Variants in KLHL8 observed in about 807,000 individuals in gnomAD.
The protein encoded by KLHL8 is kelch like family member 8.
Under a neutral mutation model 63.5 loss-of-function variants are expected in KLHL8, and 38 were observed. The ratio of observed to expected loss-of-function variants is 0.60; its 90% CI spans 0.46 to 0.78. The LOEUF is 0.78. KLHL8 is among the 30% of genes least tolerant of loss of function. The pLI is 0.00. For synonymous variants in KLHL8, 224 were observed against 254.3 expected (o/e 0.88, Z 1.13); for missense variants, 566 against 752.4 (o/e 0.75, Z 2.90).
intron 6 of KLHL8, among the ~76,000 whole-genome samples, chr4:87,176,063 G>T (rs1730806323): frequency 6.6e-6 from 1 of 152,178 alleles, no homozygotes; most frequent in South Asian, 2.1e-4. Context: ...AAGGATGTTT[G>T]GGAAAATTGA....
At chr4:87,199,334 A>G (rs1426259726) in intron 1 of KLHL8, among the ~76,000 whole-genome samples, 2 of 152,190 alleles carry the variant, frequency 1.3e-5, no homozygotes, top group East Asian at 3.8e-4. Context: ...AAACTAACTC[A>G]AAATGAATTA....
At chr4:87,225,840 G>T (rs112727264) in intron 1 of KLHL8, among the ~76,000 whole-genome samples, 2 of 152,100 alleles carry the variant, frequency 1.3e-5, no homozygotes, top group African/African-American at 4.8e-5. Flanking sequence ...TTTGAAATGC[G>T]GGTGTTGTTG....
chr4:87,217,459 C>A (rs1050048619), intron 1 of KLHL8, among the ~76,000 whole-genome samples: 2 of 151,886 alleles, frequency 1.3e-5, no homozygotes, highest in Admixed American at 6.6e-5. Context: ...CTCAGTCTCC[C>A]GAGTAGCTGG....
intron 1 of KLHL8, among the ~76,000 whole-genome samples, chr4:87,238,719 T>C (rs1434121824): frequency 6.6e-6 from 1 of 152,142 alleles, no homozygotes; most frequent in African/African-American, 2.4e-5. Context: ...AAAAAATGTA[T>C]TGGACTTATT....
At chr4:87,191,879 T>G (rs1177102709) in intron 2 of KLHL8, among the ~76,000 whole-genome samples, 1 of 152,132 alleles carries the variant, frequency 6.6e-6, no homozygotes, top group Non-Finnish European at 1.5e-5. Flanking sequence ...TTTCTGCTTC[T>G]TTATTAGTTC....
chr4:87,191,072 G>T (rs1731466515), intron 2 of KLHL8, among the ~76,000 whole-genome samples: 2 of 152,118 alleles, frequency 1.3e-5, no homozygotes, highest in South Asian at 4.1e-4. Context: ...CATATCTCAA[G>T]ATCTGCTTTG....
rs1314531276 is a variant in KLHL8 at position 87,226,643 on chromosome 4, AAT to A, written n.58-5255_58-5254del. Among the ~76,000 whole-genome samples the A allele has an allele frequency of 1.5e-4, 13 of 85,858 alleles. 1 individual carries two copies. The highest frequency in any genetic ancestry group is 1.4e-3 in the South Asian group (5 of 3,470). The allele number at this position is 85,858 out of a possible 152,430, so 56.3% of individuals were successfully genotyped here. A position where few individuals can be genotyped will look rare whatever the true frequency, so the allele number is the denominator to read the frequency against. On this transcript the variant is annotated intron_variant and non_coding_transcript_variant, in intron 1 of 1. Coordinates refer to the KLHL8 transcript ENST00000506274. ...AATAATATATATTACTTATATAAAT[AAT>A]ATATATATTACTTATATATAATATA...
At chr4:87,214,461 A>ATATATATAT (rs1732524191) in intron 1 of KLHL8, among the ~76,000 whole-genome samples, 4 of 81,688 alleles carry the variant, frequency 4.9e-5, no homozygotes, top group Admixed American at 1.5e-4. Context: ...TATATATATA[A>ATATATATAT]TTGTCATCAT....
chr4:87,182,608 CA>C (rs201412950), intron 4 of KLHL8, among the ~76,000 whole-genome samples: 20 of 149,634 alleles, frequency 1.3e-4, no homozygotes, highest in Middle Eastern at 3.5e-3. Context: ...CATAATGTCT[CA>C]AAAAAAAAGA....
At chr4:87,168,799 CATATATATACACACACAT>C (rs1481411910) in intron 8 of KLHL8, among the ~76,000 whole-genome samples, 6 of 27,498 alleles carry the variant, frequency 2.2e-4, no homozygotes, top group African/African-American at 3.6e-4. Context: ...TATATACACA[CATATATATACACACACAT>C]ATATATATAT....
chr4:87,172,611 C>T (rs139688157), intron 6 of KLHL8, among the ~76,000 whole-genome samples: 169 of 152,236 alleles, frequency 1.1e-3, no homozygotes, highest in African/African-American at 3.8e-3. Flanking sequence ...AGGCAGAAAC[C>T]GAAGAATCAT....
chr4:87,218,946 G>C (rs935003289), intron 1 of KLHL8, among the ~76,000 whole-genome samples: 2 of 151,882 alleles, frequency 1.3e-5, no homozygotes, highest in Non-Finnish European at 2.9e-5. Context: ...ATGTTGGCCA[G>C]ACTGGTCTCG....
At chr4:87,170,401 G>A in intron 7 of KLHL8, 46 bp downstream of exon 7, 1 of 1,544,058 alleles carries the variant, frequency 6.5e-7, no homozygotes, top group Non-Finnish European at 8.7e-7. Flanking sequence ...TTTTGGTTAT[G>A]AATGTAATGC....
chr4:87,218,555 A>T (rs547217830), intron 1 of KLHL8, among the ~76,000 whole-genome samples: 1 of 152,192 alleles, frequency 6.6e-6, no homozygotes, highest in Admixed American at 6.5e-5. Context: ...TACTGTTTTT[A>T]AAAAATAACC....
intron 8 of KLHL8, among the ~76,000 whole-genome samples, chr4:87,165,694 C>T (rs535318452): frequency 6.6e-6 from 1 of 152,078 alleles, no homozygotes; most frequent in South Asian, 2.1e-4. Context: ...CTGCACCTGG[C>T]CAAGTTTTTG....
chr4:87,163,810 AAC>A, intron 9 of KLHL8, 66 bp downstream of exon 9: 2 of 1,550,768 alleles, frequency 1.3e-6, no homozygotes, highest in Non-Finnish European at 1.8e-6. Context: ...GCAACATTTT[AAC>A]ACTCTGAAGT....
At position 87,185,145 on chromosome 4, in the gene KLHL8, A is replaced by G. The variant is rs530238649; in HGVS notation, c.765+106T>C. 2,814 of 1,107,306 alleles carry G rather than the reference A, an allele frequency of 2.5e-3. 5 individuals carry two copies. Among genetic ancestry groups the G allele is most frequent in the Non-Finnish European group, 3.0e-3 (2,367 of 789,170 alleles). The allele number at this position is 1,107,306 out of a possible 1,614,324, so 68.6% of individuals were successfully genotyped here. A position where few individuals can be genotyped will look rare whatever the true frequency, so the allele number is the denominator to read the frequency against. ...ATTTCTATTATTTATTACATCAATA[A>G]TTTCTATATTCCTTGAAATAATCTA... is the stretch of plus-strand genomic sequence containing the variant. On this transcript the variant is annotated intron_variant, in intron 3 of 9. Coordinates refer to ENST00000273963, the MANE Select transcript of KLHL8 (RefSeq NM_020803.5).
intron 1 of KLHL8, among the ~76,000 whole-genome samples, chr4:87,226,419 C>G (rs74530776): frequency 1.4e-4 from 21 of 149,700 alleles, no homozygotes; most frequent in African/African-American, 5.2e-4. Context: ...AAAAATTAGC[C>G]GGGCATGGCG....
chr4:87,208,820 T>C (rs1732269764), intron 1 of KLHL8, among the ~76,000 whole-genome samples: 1 of 152,258 alleles, frequency 6.6e-6, no homozygotes, highest in African/African-American at 2.4e-5. Context: ...AGTTTTATTA[T>C]TGTTGTCACA....
Sources: gnomAD v4.1 joint callset for allele counts (sites outside exome capture counted in the v4.1 genomes callset) on GRCh38, gnomAD v4.1.1 for gene constraint, MANE v1.5 for transcripts, NCBI Gene and HGNC (gene_info 2026-07-23, HGNC 2026-07-21) for gene names.